PKHD1: variants seen among roughly 807,000 people sequenced by gnomAD.
PKHD1 encodes the protein fibrocystin.
Under a neutral mutation model 412.0 loss-of-function variants are expected in PKHD1, and 291 were observed. The observed-to-expected ratio is 0.71, with a 90% CI of 0.64 to 0.78. PKHD1 has a LOEUF of 0.78. Among genes scored for constraint, PKHD1 ranks in the 30% least tolerant of loss-of-function variants. PKHD1 has a pLI of 0.00. For synonymous variants in PKHD1, 1,777 were observed against 1,821.5 expected (o/e 0.98, Z 0.62); for missense variants, 4,825 against 4,950.7 (o/e 0.97, Z 0.76).
Position 52,025,967 on chromosome 6 carries a change from A to G in PKHD1, c.3843T>C (p.Gly1281=). 1 of 1,614,120 alleles carries G rather than the reference A, an allele frequency of 6.2e-7. No homozygotes were observed. Among genetic ancestry groups the G allele is most frequent in the Non-Finnish European group, 8.5e-7 (1 of 1,180,038 alleles). The change falls in exon 32 of 67, where the codon GGT becomes GGC. Residue 1281 remains glycine (G), a synonymous_variant. Transcript: ENST00000371117. Reference sequence around the variant, plus strand: ...CTTTCCCCACCAAGCTTGGTGAAGGACCACGGGCGAAGAACCTGTTGCCAG... The same window carrying G: ...CTTTCCCCACCAAGCTTGGTGAAGGGCCACGGGCGAAGAACCTGTTGCCAG... ...VWAGNRFFAR[G]PSPSLVGKGF...
chr6:52,064,648 T>C (rs1055417963), intron 13 of PKHD1, among the ~76,000 whole-genome samples: 1 of 152,008 alleles, frequency 6.6e-6, no homozygotes, highest in Non-Finnish European at 1.5e-5. Flanking sequence ...GCGGGCAGTT[T>C]GGGGGTTTCT....
At chr6:52,082,330 G>T (rs998502780) in intron 4 of PKHD1, 62 bp downstream of exon 4, 3 of 1,540,882 alleles carry the variant, frequency 1.9e-6, no homozygotes, top group Non-Finnish European at 2.7e-6. Context: ...GTCACCAAAA[G>T]ATACTGAGAT....
At position 51,753,349 on chromosome 6, in the gene PKHD1, A is replaced by ACTT. The variant is rs781387046; in HGVS notation, c.8799_8801dup (p.Gly2933_Ser2934insArg). ...GTCGGCCATCCTCCGTGACATGTAC[A>ACTT]CTTCCTGGGGCAATAGGAGTTGTGG... On this transcript the variant is annotated inframe_insertion, in exon 57 of 67. Transcript: ENST00000371117. 1.9e-6 allele frequency: 3 copies of ACTT among 1,613,352 alleles called. No homozygotes were observed. The highest frequency in any genetic ancestry group is 2.5e-6 in the Non-Finnish European group (3 of 1,179,608).
At chr6:51,794,387 T>C (rs545386212) in intron 52 of PKHD1, among the ~76,000 whole-genome samples, 1 of 152,278 alleles carries the variant, frequency 6.6e-6, no homozygotes, top group Admixed American at 6.5e-5. Flanking sequence ...TTGTTTTTTC[T>C]TGTAAATTTA....
chr6:51,855,528 AC>A (rs1773137299), intron 49 of PKHD1, among the ~76,000 whole-genome samples: 1 of 152,214 alleles, frequency 6.6e-6, no homozygotes, highest in African/African-American at 2.4e-5. Context: ...CTGGCTACAA[AC>A]ACTTCTCTCT....
chr6:52,031,701 TC>T (rs1317880006), intron 29 of PKHD1, among the ~76,000 whole-genome samples: 3 of 152,194 alleles, frequency 2.0e-5, no homozygotes, highest in Non-Finnish European at 2.9e-5. Context: ...CTCACGGTCA[TC>T]ATCAACATCA....
intron 60 of PKHD1, among the ~76,000 whole-genome samples, chr6:51,681,746 G>A (rs1288252335): frequency 2.0e-5 from 3 of 151,972 alleles, no homozygotes; most frequent in African/African-American, 7.2e-5. Context: ...GGCCAAATCA[G>A]GCCCACTGGC....
intron 2 of PKHD1, among the ~76,000 whole-genome samples, chr6:52,084,137 G>T (rs1896978): frequency 0.89 from 135,664 of 152,250 alleles, 60,583 homozygotes; most frequent in Middle Eastern, 0.95. Context: ...CAAAAATCAT[G>T]CAGCTGCTCA....
chr6:51,839,630 G>A (rs1054120390), intron 50 of PKHD1, among the ~76,000 whole-genome samples: 2 of 152,124 alleles, frequency 1.3e-5, no homozygotes, highest in African/African-American at 4.8e-5. Flanking sequence ...CTAGGAAACA[G>A]AAAAATTAAT....
chr6:52,054,016 C>T lies in PKHD1; in HGVS notation c.1964+22G>A, dbSNP rs375534282. 30 of 1,613,416 alleles carry T rather than the reference C, an allele frequency of 1.9e-5. No individual in the cohort carries two copies. The highest frequency in any genetic ancestry group is 4.4e-5 in the South Asian group (4 of 91,042). ...CTCCCAGCTGACTGAATTCCCACCA[C>T]GCCTCCCCACCGATTAGCTACCTCT... On this transcript the variant is annotated intron_variant, in intron 20 of 66. Coordinates refer to ENST00000371117, the MANE Select transcript of PKHD1 (RefSeq NM_138694.4).
chr6:52,014,854 G>A (rs1195431367), intron 34 of PKHD1, among the ~76,000 whole-genome samples: 1 of 151,970 alleles, frequency 6.6e-6, no homozygotes, highest in Non-Finnish European at 1.5e-5. Context: ...TATAATTTTT[G>A]CCACAGATGC....
intron 27 of PKHD1, among the ~76,000 whole-genome samples, chr6:52,040,430 C>T (rs1392564151): frequency 6.6e-6 from 1 of 152,164 alleles, no homozygotes; most frequent in Non-Finnish European, 1.5e-5. Context: ...TGCCTCCCTA[C>T]TGTGAGTTCT....
At chr6:51,964,781 CTTTA>C (rs1792564563) in intron 35 of PKHD1, among the ~76,000 whole-genome samples, 1 of 152,024 alleles carries the variant, frequency 6.6e-6, no homozygotes, top group Non-Finnish European at 1.5e-5. Context: ...ACGAAACCAA[CTTTA>C]TTTACCTTTT....
chr6:51,708,728 A>T (rs1780299861), intron 60 of PKHD1, among the ~76,000 whole-genome samples: 1 of 152,180 alleles, frequency 6.6e-6, no homozygotes, highest in South Asian at 2.1e-4. Context: ...TTGTCTTTCA[A>T]ATCTCAACCT....
chr6:52,055,443 C>T (rs957312879), intron 19 of PKHD1, 144 bp downstream of exon 19: 16 of 858,712 alleles, frequency 1.9e-5, no homozygotes, highest in Admixed American at 4.0e-5. Context: ...AAACAGCAGT[C>T]GAGAGACCTA....
Position 51,870,635 on chromosome 6 carries a change from C to T in PKHD1, c.7355G>A (p.Ser2452Asn), listed in dbSNP as rs768926469. The stretch of plus-strand genomic sequence containing the variant: ...TTTAATCCCAGATGACATACACAGA[C>T]TTCCCTGTGATTTAAAAGAAAAAAA... ...LLLGHFAHKG[S>N]LCMSSGIKTP... Residue 2452 changes from serine (S) to asparagine (N), a missense_variant, in exon 47 of 67, where the codon AGT becomes AAT. Ser to Asn is a conservative substitution (Grantham distance 46). Coordinates refer to ENST00000371117, the MANE Select transcript of PKHD1 (RefSeq NM_138694.4). The T allele has an allele frequency of 1.2e-6, 2 of 1,608,748 alleles. No individual in the cohort carries two copies. The highest frequency in any genetic ancestry group is 1.1e-5 in the South Asian group (1 of 90,904).
rs780849635 is a variant in PKHD1, at chr6:51,648,087, G to A, written c.11342C>T (p.Ser3781Leu). 13 of 1,607,788 alleles carry A rather than the reference G, an allele frequency of 8.1e-6. No homozygotes were observed. In the African/African-American group the frequency reaches 1.7e-4, roughly 21 times the overall value. Residue 3781 changes from serine to leucine, a missense_variant, in exon 63 of 67, where the codon TCA becomes TTA. Physicochemically the swap from Ser to Leu is moderately radical, Grantham distance 145 (BLOSUM62 -2). Coordinates refer to ENST00000371117, the MANE Select transcript of PKHD1 (RefSeq NM_138694.4). ...GGAAGCTGAAATTGTCCATGGCTCTGAAGGAGGTCCCAGGGACTCTACTCT... is the reference window on the plus strand; with the variant it reads ...GGAAGCTGAAATTGTCCATGGCTCTAAAGGAGGTCCCAGGGACTCTACTCT... ...NRRVESLGPPSEPWTISASLE... is the reference protein window; with the variant it reads ...NRRVESLGPPLEPWTISASLE...
At chr6:52,076,226 T>G (rs1582123689) in intron 6 of PKHD1, 50 bp downstream of exon 6, 1 of 1,348,410 alleles carries the variant, frequency 7.4e-7, no homozygotes, top group South Asian at 1.2e-5. Context: ...TGCAACAAGC[T>G]TTGGCAAACA....
At chr6:51,789,936 A>C (rs897685631) in intron 53 of PKHD1, among the ~76,000 whole-genome samples, 6 of 152,192 alleles carry the variant, frequency 3.9e-5, no homozygotes, top group Admixed American at 2.0e-4. Flanking sequence ...GAACAAAAAG[A>C]ATTCTAATAG....
Sources: gnomAD v4.1 joint callset for allele counts (sites outside exome capture counted in the v4.1 genomes callset) on GRCh38, gnomAD v4.1.1 for gene constraint, MANE v1.5 for transcripts, NCBI Gene and HGNC (gene_info 2026-07-23, HGNC 2026-07-21) for gene names.